The following NKAIN3 variants were observed in gnomAD, a reference collection of about 807,000 sequenced individuals.
The protein encoded by NKAIN3 is sodium/potassium transporting ATPase interacting 3.
Under a neutral mutation model 30.2 loss-of-function variants are expected in NKAIN3, and 25 were observed. The observed-to-expected ratio is 0.83, with a 90% CI of 0.60 to 1.16. NKAIN3 has a LOEUF of 1.16. Among genes scored for constraint, NKAIN3 ranks in the 50% most tolerant of loss-of-function variants. The pLI is 0.00. For synonymous variants in NKAIN3, 91 were observed against 89.6 expected (o/e 1.02, Z -0.09); for missense variants, 225 against 254.1 (o/e 0.89, Z 0.78).
chr8:62,963,373 G>C (rs1024095196), intron 6 of NKAIN3, among the ~76,000 whole-genome samples: 1 of 152,112 alleles, frequency 6.6e-6, no homozygotes, highest in Non-Finnish European at 1.5e-5. Flanking sequence ...CATAAGAACA[G>C]GCTCAGCCTG....
chr8:62,735,607 T>A (rs1050449604), intron 3 of NKAIN3, among the ~76,000 whole-genome samples: 5 of 152,210 alleles, frequency 3.3e-5, no homozygotes, highest in Non-Finnish European at 5.9e-5. Flanking sequence ...CCTCGTTAAG[T>A]ACCTTAATAA....
chr8:62,637,702 T>A (rs1312108493), intron 3 of NKAIN3, among the ~76,000 whole-genome samples: 8 of 152,160 alleles, frequency 5.3e-5, no homozygotes, highest in African/African-American at 1.9e-4. Context: ...GTTCAAATAG[T>A]ACAGCAGAAA....
chr8:62,904,674 C>A (rs1301658282), intron 4 of NKAIN3, among the ~76,000 whole-genome samples: 2 of 152,156 alleles, frequency 1.3e-5, no homozygotes, highest in South Asian at 2.1e-4. Context: ...TTCAGACACC[C>A]TGGTTTTCCT....
Position 62,982,518 on chromosome 8 carries a change from C to A in NKAIN3, c.*17111C>A, listed in dbSNP as rs934299078. The A allele has an allele frequency of 1.3e-5, 2 of 152,136 alleles. No individual in the cohort carries two copies. The highest frequency in any genetic ancestry group is 1.5e-5 in the Non-Finnish European group (1 of 68,020). The allele number at this position is 152,136 out of a possible 1,614,324, so 9.4% of individuals were successfully genotyped here. ...TCTCCTTCCAAAATGGCTAAAAGGG[C>A]AAAGCGTCAGTAATTCTGTAGACAT... is the stretch of plus-strand genomic sequence containing the variant. On this transcript the variant is annotated 3_prime_UTR_variant, in exon 7 of 7. Coordinates refer to ENST00000623646, the MANE Select transcript of NKAIN3 (RefSeq NM_001304533.3).
chr8:62,257,135 T>C (rs1051188386), intron 1 of NKAIN3, among the ~76,000 whole-genome samples: 1 of 152,176 alleles, frequency 6.6e-6, no homozygotes, highest in African/African-American at 2.4e-5. Context: ...AATTTTGAAA[T>C]ATACAATACA....
intron 3 of NKAIN3, among the ~76,000 whole-genome samples, chr8:62,657,327 G>A (rs1465774540): frequency 6.6e-6 from 1 of 152,066 alleles, no homozygotes; most frequent in African/African-American, 2.4e-5. Flanking sequence ...AGACTGGTTG[G>A]TCAATACTCT....
chr8:62,636,248 C>T (rs1812123825), intron 3 of NKAIN3, among the ~76,000 whole-genome samples: 2 of 152,134 alleles, frequency 1.3e-5, no homozygotes, highest in Non-Finnish European at 2.9e-5. Flanking sequence ...CAGCAATCCA[C>T]AAAATATTCT....
At chr8:62,296,869 C>T (rs1813847875) in intron 1 of NKAIN3, among the ~76,000 whole-genome samples, 1 of 152,120 alleles carries the variant, frequency 6.6e-6, no homozygotes, top group Admixed American at 6.6e-5. Context: ...TCCTCCCTCT[C>T]ATGCTTCTCA....
chr8:62,432,160 G>A (rs920878365), intron 1 of NKAIN3, among the ~76,000 whole-genome samples: 13 of 151,706 alleles, frequency 8.6e-5, no homozygotes, highest in African/African-American at 2.9e-4. Context: ...GCACAAAAAG[G>A]TCTCTGATGT....
chr8:62,345,616 C>CACATATATATACACATATATGTATATAT (rs1554669407), intron 1 of NKAIN3, among the ~76,000 whole-genome samples: 5,862 of 139,632 alleles, frequency 0.042, 338 homozygotes, highest in Middle Eastern at 0.08. Flanking sequence ...TATGTATATA[C>CACATATATATACACATATATGTATATAT]ACACATATAT....
chr8:62,952,224 A>G (rs1218395481), intron 5 of NKAIN3, among the ~76,000 whole-genome samples: 2 of 152,138 alleles, frequency 1.3e-5, no homozygotes, highest in African/African-American at 4.8e-5. Context: ...GAAATAATAC[A>G]ATACAATTTT....
At chr8:62,324,570 C>T (rs1815051155) in intron 1 of NKAIN3, among the ~76,000 whole-genome samples, 1 of 152,018 alleles carries the variant, frequency 6.6e-6, no homozygotes, top group South Asian at 2.1e-4. Context: ...TTATGTAATG[C>T]ATATTTTGTC....
At chr8:62,658,120 T>C (rs1215828982) in intron 3 of NKAIN3, among the ~76,000 whole-genome samples, 1 of 152,204 alleles carries the variant, frequency 6.6e-6, no homozygotes, top group Admixed American at 6.5e-5. Flanking sequence ...GGAATTAAAC[T>C]GAATGTGCTC....
At chr8:62,598,410 G>A (rs569363286) in intron 3 of NKAIN3, among the ~76,000 whole-genome samples, 7 of 152,024 alleles carry the variant, frequency 4.6e-5, no homozygotes, top group Non-Finnish European at 1.0e-4. Flanking sequence ...GTGCCTAAGC[G>A]AAACCCATAG....
intron 5 of NKAIN3, among the ~76,000 whole-genome samples, chr8:62,992,259 G>T (rs62508117): frequency 0.11 from 16,294 of 151,614 alleles, 1,006 homozygotes; most frequent in South Asian, 0.17. Context: ...TGATCCACCC[G>T]CCTCAGCCTC....
chr8:62,331,359 A>C (rs941677110), intron 1 of NKAIN3, among the ~76,000 whole-genome samples: 2 of 151,942 alleles, frequency 1.3e-5, no homozygotes, highest in African/African-American at 4.8e-5. Flanking sequence ...CCTGATGCCT[A>C]TCTCCCCTAG....
chr8:62,546,077 C>T (rs1809001733), intron 1 of NKAIN3, among the ~76,000 whole-genome samples: 1 of 152,170 alleles, frequency 6.6e-6, no homozygotes, highest in Non-Finnish European at 1.5e-5. Flanking sequence ...AGTAGACTGA[C>T]TGCTTGCTGC....
intron 1 of NKAIN3, among the ~76,000 whole-genome samples, chr8:62,434,091 A>T (rs1291343927): frequency 1.3e-5 from 2 of 152,152 alleles, no homozygotes; most frequent in Non-Finnish European, 2.9e-5. Context: ...AGAGAAAACG[A>T]CAAGATCCAG....
At chr8:62,352,246 T>C (rs1469771205) in intron 1 of NKAIN3, among the ~76,000 whole-genome samples, 1 of 152,168 alleles carries the variant, frequency 6.6e-6, no homozygotes, top group Non-Finnish European at 1.5e-5. Flanking sequence ...ATTGCTGAGC[T>C]TCAGCTCAGG....
Sources: gnomAD v4.1 joint callset for allele counts (sites outside exome capture counted in the v4.1 genomes callset) on GRCh38, gnomAD v4.1.1 for gene constraint, MANE v1.5 for transcripts, NCBI Gene and HGNC (gene_info 2026-07-23, HGNC 2026-07-21) for gene names.